RRAS2: variants seen among roughly 807,000 people sequenced by gnomAD.
The protein encoded by RRAS2 is RAS related 2.
A neutral mutation model predicts 27.6 loss-of-function variants in RRAS2; 7 were observed. That is an observed-to-expected ratio of 0.25 (90% CI 0.14 to 0.48). The LOEUF (loss-of-function observed/expected upper bound fraction) is 0.48, where lower values mean the gene tolerates loss of function less well. Among genes scored for constraint, RRAS2 ranks in the 20% least tolerant of loss-of-function variants. The probability of loss-of-function intolerance (pLI) is 0.99; values close to 1 mark genes in which losing one functional copy is unlikely to be tolerated. For missense variants in RRAS2, 178 were observed against 256.2 expected, an observed-to-expected ratio of 0.69 and a Z score of 2.08; for synonymous variants, 86 against 90.9, an observed-to-expected ratio of 0.95 and a Z score of 0.31.
intron 1 of RRAS2, among the ~76,000 whole-genome samples, chr11:14,342,760 G>A (rs959883457): frequency 6.6e-6 from 1 of 151,914 alleles, no homozygotes; most frequent in Non-Finnish European, 1.5e-5. Context: ...ACTTATTTGG[G>A]GGACATAATT....
At chr11:14,348,329 T>G (rs151297303) in intron 1 of RRAS2, among the ~76,000 whole-genome samples, 1 of 152,346 alleles carries the variant, frequency 6.6e-6, no homozygotes, top group East Asian at 1.9e-4. Context: ...CAATAACTTA[T>G]GAGAACATAC....
chr11:14,299,679 C>T (rs1344695384), intron 1 of RRAS2, among the ~76,000 whole-genome samples: 3 of 152,150 alleles, frequency 2.0e-5, no homozygotes, highest in South Asian at 4.1e-4. Context: ...GTATGAAGCA[C>T]CTACTAAGTA....
chr11:14,303,346 A>C (rs1299603148), intron 1 of RRAS2, among the ~76,000 whole-genome samples: 2 of 152,226 alleles, frequency 1.3e-5, no homozygotes, highest in Non-Finnish European at 2.9e-5. Flanking sequence ...ATAAGCATAA[A>C]ACTTTCCCTC....
intron 1 of RRAS2, among the ~76,000 whole-genome samples, chr11:14,322,881 GT>G (rs1848257777): frequency 6.6e-6 from 1 of 152,078 alleles, no homozygotes; most frequent in South Asian, 2.1e-4. Context: ...AAAATAAAAA[GT>G]TAAAGAATGA....
At chr11:14,359,232 G>T, upstream of RRAS2, 1 of 842,524 alleles carries the variant, frequency 1.2e-6, no homozygotes, top group Non-Finnish European at 1.4e-6. Context: ...GAGGGGGCGG[G>T]GAGGGGCGGG....
chr11:14,338,592 C>G (rs1180477742), intron 1 of RRAS2, among the ~76,000 whole-genome samples: 1 of 152,158 alleles, frequency 6.6e-6, no homozygotes, highest in African/African-American at 2.4e-5. Flanking sequence ...CTTGTGGCAT[C>G]ATATCATGAC....
chr11:14,358,527 C>G lies in RRAS2; in HGVS notation c.108+236G>C. ...TCCCACCCTTCCAGCTCCGCCCTCC[C>G]GACCACATTCCTGAGAAGCCCTACT... On this transcript the variant is annotated intron_variant, in intron 1 of 5. Transcript: ENST00000256196. This position sits in a 1 kb window ranked among gnomAD's most constrained non-coding sequence, Gnocchi z 5.1. 5.1e-6 allele frequency: 5 copies of G among 986,174 alleles called. No homozygotes were observed. Among genetic ancestry groups the G allele is most frequent in the Non-Finnish European group, 6.0e-6 (5 of 830,598 alleles). 61.1% of individuals were successfully genotyped at this position (986,174 alleles called of 1,614,324 possible).
intron 1 of RRAS2, among the ~76,000 whole-genome samples, chr11:14,351,288 T>C (rs1021162811): frequency 6.6e-6 from 1 of 152,152 alleles, no homozygotes; most frequent in African/African-American, 2.4e-5. Flanking sequence ...ATGGAAATAA[T>C]GAATTGGATA....
intron 1 of RRAS2, among the ~76,000 whole-genome samples, chr11:14,353,740 A>T (rs1164337519): frequency 6.6e-6 from 1 of 152,184 alleles, no homozygotes; most frequent in Non-Finnish European, 1.5e-5. Context: ...TAAGTTAAGA[A>T]ACTGCAGGTT....
upstream of RRAS2, among the ~76,000 whole-genome samples, chr11:14,360,470 G>A (rs1849177493): frequency 6.6e-6 from 1 of 151,948 alleles, no homozygotes; most frequent in Non-Finnish European, 1.5e-5. Context: ...GCACAATCAT[G>A]GCCCACTGCA....
chr11:14,281,295 C>T (rs7951962), intron 5 of RRAS2, among the ~76,000 whole-genome samples: 130,124 of 152,146 alleles, frequency 0.86, 55,992 homozygotes, highest in South Asian at 0.93. Flanking sequence ...TAATAATACA[C>T]GTAAAAACGT....
At chr11:14,348,425 A>T (rs1404563475) in intron 1 of RRAS2, among the ~76,000 whole-genome samples, 5 of 152,214 alleles carry the variant, frequency 3.3e-5, no homozygotes, top group South Asian at 4.1e-4. Flanking sequence ...TTTAAGATCC[A>T]TTTATGGTTC....
At chr11:14,354,190 T>C (rs1554955188) in intron 1 of RRAS2, among the ~76,000 whole-genome samples, 1 of 152,130 alleles carries the variant, frequency 6.6e-6, no homozygotes, top group Admixed American at 6.5e-5. Context: ...GACAAACTTT[T>C]AAAAAGCAAT....
At position 14,281,673 on chromosome 11, in the gene RRAS2, T is replaced by A. The variant is rs782386932; in HGVS notation, c.456A>T (p.Thr152=). 2 of 1,596,452 alleles carry A rather than the reference T, an allele frequency of 1.3e-6. No individual in the cohort carries two copies. The highest frequency in any genetic ancestry group is 1.7e-6 in the Non-Finnish European group (2 of 1,174,708). The change falls in exon 5 of 6, where the codon ACA becomes ACT. Residue 152 remains threonine (T), a synonymous_variant. Transcript: ENST00000256196. ...TAATCTTTGCTGATGCCTCCATGTATGTTACCTTAAGCTGCCGTGCTAACT... is the reference window on the plus strand; with the variant it reads ...TAATCTTTGCTGATGCCTCCATGTAAGTTACCTTAAGCTGCCGTGCTAACT... The part of the protein sequence containing the change: ...GQQLARQLKV[T]YMEASAKIRM...
At chr11:14,308,172 T>C (rs552925590) in intron 1 of RRAS2, 1 of 325,850 alleles carries the variant, frequency 3.1e-6, no homozygotes, top group East Asian at 9.6e-5. Flanking sequence ...ACAAAATATC[T>C]CTGGAAAGAT....
At chr11:14,296,942 T>C (rs1554946732) in intron 1 of RRAS2, among the ~76,000 whole-genome samples, 1 of 152,040 alleles carries the variant, frequency 6.6e-6, no homozygotes, top group Non-Finnish European at 1.5e-5. Context: ...GGTGAAAGGA[T>C]CACCTGAGCC....
intron 1 of RRAS2, among the ~76,000 whole-genome samples, chr11:14,318,377 C>A (rs1554949810): frequency 6.6e-6 from 1 of 152,112 alleles, no homozygotes; most frequent in East Asian, 1.9e-4. Context: ...GTTGCGCATG[C>A]CTGTAGTACT....
chr11:14,356,856 C>T (rs1307038235), intron 1 of RRAS2: 14 of 410,062 alleles, frequency 3.4e-5, no homozygotes, highest in South Asian at 1.8e-4. Flanking sequence ...GGCACAATCT[C>T]GGCTCACTAC....
chr11:14,337,969 A>G (rs1389287181), intron 1 of RRAS2, among the ~76,000 whole-genome samples: 1 of 152,184 alleles, frequency 6.6e-6, no homozygotes, highest in Non-Finnish European at 1.5e-5. Context: ...CATGGTTAGC[A>G]AAAATATGGA....
Sources: gnomAD v4.1 joint callset for allele counts (sites outside exome capture counted in the v4.1 genomes callset) on GRCh38, gnomAD v4.1.1 for gene constraint, Gnocchi (gnomAD v3.1) non-coding constraint, MANE v1.5 for transcripts, NCBI Gene and HGNC (gene_info 2026-07-23, HGNC 2026-07-21) for gene names.